Variants in ST3GAL3 observed in about 807,000 individuals in gnomAD.
ST3GAL3 encodes the protein ST3 beta-galactoside alpha-2,3-sialyltransferase 3.
ST3GAL3 carries 21 observed loss-of-function variants against 50.1 expected under a neutral mutation model. That is an observed-to-expected ratio of 0.42 (90% CI 0.30 to 0.60). The LOEUF (loss-of-function observed/expected upper bound fraction) is 0.60. Among genes scored for constraint, ST3GAL3 ranks in the 20% least tolerant of loss-of-function variants. ST3GAL3 has a pLI of 0.19. For synonymous variants in ST3GAL3, 183 were observed against 190.0 expected (o/e 0.96, Z 0.30); for missense variants, 353 against 489.4 (o/e 0.72, Z 2.63).
At chr1:43,839,780 A>G (rs1286427641) in intron 5 of ST3GAL3, 1 of 152,214 alleles carries the variant, frequency 6.6e-6, no homozygotes, top group African/African-American at 2.4e-5. Context: ...AGGCCTCAGG[A>G]AACTTAAAAT....
intron 3 of ST3GAL3, among the ~76,000 whole-genome samples, chr1:43,800,406 G>A (rs2059180810): frequency 6.6e-6 from 1 of 152,182 alleles, no homozygotes; most frequent in African/African-American, 2.4e-5. Flanking sequence ...ACCTTCTCAG[G>A]CCTCTTTTGA....
At chr1:43,926,974 C>G (rs2084088392) in intron 11 of ST3GAL3, among the ~76,000 whole-genome samples, 1 of 152,218 alleles carries the variant, frequency 6.6e-6, no homozygotes, top group African/African-American at 2.4e-5. Flanking sequence ...TCTTCTTTGT[C>G]TCATGCTCCC....
intron 3 of ST3GAL3, among the ~76,000 whole-genome samples, chr1:43,803,738 C>T (rs2059578237): frequency 6.6e-6 from 1 of 152,118 alleles, no homozygotes; most frequent in Admixed American, 6.5e-5. Context: ...TCCTTTAAGG[C>T]GGCAATGGAA....
chr1:43,853,386 T>A (rs1416477207), intron 5 of ST3GAL3, among the ~76,000 whole-genome samples: 1 of 152,240 alleles, frequency 6.6e-6, no homozygotes, highest in Non-Finnish European at 1.5e-5. Context: ...AACAATCATA[T>A]AATGAGACTA....
At chr1:43,772,991 C>T (rs1695873152) in intron 2 of ST3GAL3, among the ~76,000 whole-genome samples, 3 of 152,220 alleles carry the variant, frequency 2.0e-5, no homozygotes, top group Admixed American at 2.0e-4. Context: ...TTGTGATCTG[C>T]CCGCCTTGGC....
intron 3 of ST3GAL3, among the ~76,000 whole-genome samples, chr1:43,810,003 AAAAAAAGAAAGAAAG>A (rs2154172287): frequency 6.6e-6 from 1 of 151,692 alleles, no homozygotes; most frequent in East Asian, 1.9e-4. Context: ...AAAAAAAAAA[AAAAAAAGAAAGAAAG>A]AAAAAAGAAA....
intron 1 of ST3GAL3, among the ~76,000 whole-genome samples, chr1:43,735,138 A>T (rs1677838180): frequency 6.6e-6 from 1 of 152,208 alleles, no homozygotes; most frequent in Admixed American, 6.5e-5. Context: ...GCTAGGCTGT[A>T]AGGAGCAATT....
intron 1 of ST3GAL3, chr1:43,727,208 G>A (rs1444134139): frequency 2.0e-5 from 3 of 151,802 alleles, no homozygotes; most frequent in Non-Finnish European, 4.4e-5. Context: ...CCATTTTCAG[G>A]CACAACAAGG....
chr1:43,875,732 T>C (rs1222334108), intron 5 of ST3GAL3, among the ~76,000 whole-genome samples: 1 of 152,046 alleles, frequency 6.6e-6, no homozygotes, highest in Non-Finnish European at 1.5e-5. Context: ...GAACTGTGAG[T>C]TGATTAAACC....
intron 3 of ST3GAL3, among the ~76,000 whole-genome samples, chr1:43,802,732 G>GT (rs547556208): frequency 6.6e-6 from 1 of 152,174 alleles, no homozygotes; most frequent in Non-Finnish European, 1.5e-5. Context: ...ACAGACTGTG[G>GT]TTTTTTCAGA....
chr1:43,743,720 G>C (rs1457597537), intron 2 of ST3GAL3: 1 of 217,542 alleles, frequency 4.6e-6, no homozygotes, highest in Non-Finnish European at 9.3e-6. Flanking sequence ...TACTACAAAG[G>C]AACCTGCTAC....
At chr1:43,720,472 G>C (rs190578409) in intron 1 of ST3GAL3, 1 of 152,178 alleles carries the variant, frequency 6.6e-6, no homozygotes, top group African/African-American at 2.4e-5. Context: ...ATTTCTTACA[G>C]TTTTGGAGGC....
chr1:43,766,252 T>C (rs766104997), intron 2 of ST3GAL3, among the ~76,000 whole-genome samples: 2 of 152,080 alleles, frequency 1.3e-5, no homozygotes, highest in Non-Finnish European at 2.9e-5. Context: ...TGACAGCTTG[T>C]TACTTACTCA....
chr1:43,728,341 G>GAAAACAAAAACA (rs113220015), intron 1 of ST3GAL3, among the ~76,000 whole-genome samples: 40,772 of 130,360 alleles, frequency 0.31, 5,701 homozygotes, highest in Non-Finnish European at 0.36. Flanking sequence ...CTCCTTCTCA[G>GAAAACAAAAACA]AAAACAAAAA....
At chr1:43,890,003 C>A (rs1415265945) in intron 5 of ST3GAL3, among the ~76,000 whole-genome samples, 1 of 152,162 alleles carries the variant, frequency 6.6e-6, no homozygotes, top group Non-Finnish European at 1.5e-5. Context: ...GTAGTCCTAG[C>A]TACGCAGGAG....
intron 3 of ST3GAL3, among the ~76,000 whole-genome samples, chr1:43,798,971 G>C (rs2059011561): frequency 1.3e-5 from 2 of 152,230 alleles, no homozygotes; most frequent in African/African-American, 4.8e-5. Context: ...CCATTCATTG[G>C]AGTAACTGCA....
intron 3 of ST3GAL3, among the ~76,000 whole-genome samples, chr1:43,812,634 T>A (rs575213087): frequency 6.6e-6 from 1 of 152,314 alleles, no homozygotes; most frequent in South Asian, 2.1e-4. Context: ...GCTAATTTTT[T>A]AAAAGTTTTT....
At chr1:43,816,253 G>A (rs566182092) in intron 4 of ST3GAL3, among the ~76,000 whole-genome samples, 2 of 152,206 alleles carry the variant, frequency 1.3e-5, no homozygotes, top group African/African-American at 4.8e-5. Flanking sequence ...CAAACCAGGG[G>A]CTGGTTGGTT....
chr1:43,810,274 C>A (rs1055417971), intron 3 of ST3GAL3, among the ~76,000 whole-genome samples: 1 of 152,242 alleles, frequency 6.6e-6, no homozygotes, highest in East Asian at 1.9e-4. Flanking sequence ...GTCATAAGCA[C>A]CCCCCTCTCA....
Sources: gnomAD v4.1 joint callset for allele counts (sites outside exome capture counted in the v4.1 genomes callset) on GRCh38, gnomAD v4.1.1 for gene constraint, MANE v1.5 for transcripts, NCBI Gene and HGNC (gene_info 2026-07-23, HGNC 2026-07-21) for gene names.